TEX36: variants seen among roughly 807,000 people sequenced by gnomAD.
TEX36 encodes testis-expressed protein 36.
TEX36 carries 12 observed loss-of-function variants against 13.6 expected under a neutral mutation model. That is an observed-to-expected ratio of 0.88 (90% confidence interval 0.56 to 1.43). The LOEUF is 1.43. Among genes scored for constraint, TEX36 ranks in the 40% most tolerant of loss-of-function variants. TEX36 has a pLI of 0.00. For synonymous variants in TEX36, 93 were observed against 83.0 expected (o/e 1.12, Z -0.65); for missense variants, 224 against 228.3 (o/e 0.98, Z 0.12).
intron 3 of TEX36, among the ~76,000 whole-genome samples, chr10:125,646,630 A>G (rs1320153471): frequency 6.6e-6 from 1 of 152,234 alleles, no homozygotes; most frequent in African/African-American, 2.4e-5. Flanking sequence ...TGGTAAACAG[A>G]GCAAAGGCAT....
intron 1 of TEX36, among the ~76,000 whole-genome samples, chr10:125,663,093 C>G (rs916745245): frequency 6.6e-6 from 1 of 152,228 alleles, no homozygotes; most frequent in Non-Finnish European, 1.5e-5. Flanking sequence ...GAGTCCACCC[C>G]AGGTCTCTCT....
In TEX36 at chr10:125,667,930, T is replaced by A. The variant is rs1015269506; in HGVS notation, c.52-5953A>T. On this transcript the variant is annotated intron_variant, in intron 1 of 3. Coordinates refer to ENST00000368821, the MANE Select transcript of TEX36 (RefSeq NM_001128202.3). ...GCTCCTTCTTCTGCTCCAGGGTCAA[T>A]GCTGGATATCGGTAGGGCATGGTGC... is the stretch of plus-strand genomic sequence containing the variant. 8 of 1,184,424 alleles carry A rather than the reference T, an allele frequency of 6.8e-6. No homozygotes were observed. In the African/African-American group the frequency reaches 9.1e-5, roughly 13 times the overall value. The allele number at this position is 1,184,424 out of a possible 1,614,324, so 73.4% of individuals were successfully genotyped here. A position where few individuals can be genotyped will look rare whatever the true frequency, so the allele number is the denominator to read the frequency against.
At chr10:125,625,898 G>A (rs1416300234) in intron 3 of TEX36, among the ~76,000 whole-genome samples, 1 of 152,196 alleles carries the variant, frequency 6.6e-6, no homozygotes, top group Non-Finnish European at 1.5e-5. Flanking sequence ...CGCTCCCTCT[G>A]GTCATGGGTT....
intron 3 of TEX36, among the ~76,000 whole-genome samples, chr10:125,583,813 T>C (rs1166611682): frequency 6.6e-6 from 1 of 152,210 alleles, no homozygotes; most frequent in African/African-American, 2.4e-5. Context: ...AAAAAATTCT[T>C]TGAAACAGTA....
chr10:125,643,216 C>T (rs923330644), intron 3 of TEX36, among the ~76,000 whole-genome samples: 4 of 152,204 alleles, frequency 2.6e-5, no homozygotes, highest in African/African-American at 9.6e-5. Context: ...AGTAAACAGG[C>T]TGGGAGCCCC....
chr10:125,600,035 G>A (rs561068727), intron 3 of TEX36, among the ~76,000 whole-genome samples: 294 of 152,266 alleles, frequency 1.9e-3, no homozygotes, highest in Non-Finnish European at 3.9e-3. Context: ...CAGCCCTAAC[G>A]TCTCTAGCCC....
intron 1 of TEX36, among the ~76,000 whole-genome samples, chr10:125,664,715 T>C (rs752373073): frequency 6.6e-6 from 1 of 152,210 alleles, no homozygotes; most frequent in Non-Finnish European, 1.5e-5. Flanking sequence ...TCCCCAGCCA[T>C]ACAGAACTGT....
intron 3 of TEX36, among the ~76,000 whole-genome samples, chr10:125,591,991 C>T (rs1400897857): frequency 2.0e-5 from 3 of 152,272 alleles, no homozygotes; most frequent in Admixed American, 6.5e-5. Context: ...TTGTCCTGCA[C>T]GATAGAACTG....
intron 3 of TEX36, chr10:125,640,100 A>C: frequency 1.0e-6 from 1 of 955,318 alleles, no homozygotes; most frequent in African/African-American, 1.8e-5. Flanking sequence ...GATAATGAGC[A>C]AAGTTGTTTT....
At chr10:125,678,828 T>C (rs1331478776) in intron 1 of TEX36, among the ~76,000 whole-genome samples, 1 of 151,992 alleles carries the variant, frequency 6.6e-6, no homozygotes, top group Non-Finnish European at 1.5e-5. Context: ...TGAGGCTCTG[T>C]GTTCTGTCAT....
At chr10:125,587,516 A>G (rs1845969151) in intron 3 of TEX36, among the ~76,000 whole-genome samples, 1 of 152,152 alleles carries the variant, frequency 6.6e-6, no homozygotes, top group African/African-American at 2.4e-5. Flanking sequence ...AGGCCAGACC[A>G]GTGGCTCACA....
At chr10:125,664,347 T>C (rs1847092312) in intron 1 of TEX36, among the ~76,000 whole-genome samples, 1 of 152,222 alleles carries the variant, frequency 6.6e-6, no homozygotes, top group African/African-American at 2.4e-5. Context: ...TTCTTTTGGG[T>C]ATATACCTAG....
intron 1 of TEX36, among the ~76,000 whole-genome samples, chr10:125,676,990 G>A (rs1321165513): frequency 6.6e-6 from 1 of 152,306 alleles, no homozygotes; most frequent in African/African-American, 2.4e-5. Context: ...TTCTTGACTG[G>A]CAGTTTTTTC....
chr10:125,665,904 G>C (rs1304837154), intron 1 of TEX36, among the ~76,000 whole-genome samples: 1 of 152,012 alleles, frequency 6.6e-6, no homozygotes, highest in Non-Finnish European at 1.5e-5. Context: ...TTTTCTTATA[G>C]AGATATTTTA....
Position 125,656,097 on chromosome 10 carries a change from A to C in TEX36, c.364T>G (p.Phe122Val), listed in dbSNP as rs2133590157. Residue 122 changes from phenylalanine to valine, a missense_variant, in exon 4 of 4, where the codon TTT becomes GTT. Phe to Val is a conservative substitution (Grantham distance 50). Coordinates refer to ENST00000368821, the MANE Select transcript of TEX36 (RefSeq NM_001128202.3). ...CDYVPSCLDG[F>V]SNNQISYVYK... Reference sequence around the variant, plus strand: ...ACGTATGATATTTGGTTATTTGAAAAGCCATCAAGACAAGATGGAACATAG... The same window carrying C: ...ACGTATGATATTTGGTTATTTGAAACGCCATCAAGACAAGATGGAACATAG... 1 of 1,551,422 alleles carries C rather than the reference A, an allele frequency of 6.4e-7. No homozygotes were observed. The highest frequency in any genetic ancestry group is 2.4e-5 in the East Asian group (1 of 40,914).
chr10:125,608,818 T>C lies in TEX36; in HGVS notation c.265-31944A>G, dbSNP rs555427990. 5.3e-5 allele frequency among the ~76,000 whole-genome samples: 8 copies of C among 150,650 alleles called. No homozygotes were observed. The South Asian group carries it at 1.5e-3, about 28-fold the overall frequency. On this transcript the variant is annotated intron_variant, in intron 3 of 3. Transcript: ENST00000532135. ...AAGGATATTAACGGTATGTTAGAGG[T>C]AATACATGCATGGAATAAAAATTTT...
intron 3 of TEX36, among the ~76,000 whole-genome samples, chr10:125,608,475 A>G (rs898347051): frequency 6.6e-6 from 1 of 152,212 alleles, no homozygotes; most frequent in Admixed American, 6.5e-5. Context: ...TGACATGGAA[A>G]AACTTGTCTG....
At chr10:125,583,407 T>G (rs1256315134) in intron 3 of TEX36, among the ~76,000 whole-genome samples, 2 of 151,674 alleles carry the variant, frequency 1.3e-5, no homozygotes, top group Admixed American at 1.3e-4. Context: ...TGTGTCCTCC[T>G]CCAGAGGGAA....
At chr10:125,667,506 G>C in intron 1 of TEX36, 1 of 729,434 alleles carries the variant, frequency 1.4e-6, no homozygotes. Context: ...AGAACACAAT[G>C]CCACTTGGTG....
Sources: gnomAD v4.1 joint callset for allele counts (sites outside exome capture counted in the v4.1 genomes callset) on GRCh38, gnomAD v4.1.1 for gene constraint, MANE v1.5 for transcripts, NCBI Gene and HGNC (gene_info 2026-07-23, HGNC 2026-07-21) for gene names.